Variants in HERC2 observed in about 807,000 individuals in gnomAD.
HERC2 encodes HECT and RLD domain containing E3 ubiquitin protein ligase 2.
A neutral mutation model predicts 537.7 loss-of-function variants in HERC2; 102 were observed. The ratio of observed to expected loss-of-function variants is 0.19; its 90% CI spans 0.16 to 0.22. HERC2 has a LOEUF of 0.22. HERC2 is among the 10% of genes least tolerant of loss of function. HERC2 has a pLI of 1.00. For synonymous variants in HERC2, 2,224 were observed against 2,466.2 expected, an observed-to-expected ratio of 0.90 and a Z score of 2.91; for missense variants, 4,236 against 6,198.2, an observed-to-expected ratio of 0.68 and a Z score of 10.63.
Position 28,213,981 on chromosome 15 carries a change from G to C in HERC2, c.6556-9C>G, listed in dbSNP as rs373953643. ...TAGTCCTCTAACTGGGCCTAGTGCA[G>C]ACCAAACAGCGAGCTCGACAGAGAC... is the stretch of plus-strand genomic sequence containing the variant. On this transcript the variant is annotated splice_polypyrimidine_tract_variant and intron_variant, in intron 41 of 92. Transcript: ENST00000261609. The C allele has an allele frequency of 1.1e-5, 18 of 1,612,456 alleles. No individual in the cohort carries two copies. Among genetic ancestry groups the C allele is most frequent in the Non-Finnish European group, 1.4e-5 (17 of 1,178,622 alleles).
intron 78 of HERC2, among the ~76,000 whole-genome samples, chr15:28,139,033 G>A (rs1435161811): frequency 6.6e-6 from 1 of 152,248 alleles, no homozygotes; most frequent in African/African-American, 2.4e-5. Flanking sequence ...AGAATTAGAA[G>A]TGGAGTCTAA....
In HERC2 at chr15:28,124,082, A is replaced by C. The variant is rs1246345023; in HGVS notation, c.13143T>G (p.Ser4381=). The C allele has an allele frequency of 2.5e-6, 4 of 1,608,268 alleles. No homozygotes were observed. Among genetic ancestry groups the C allele is most frequent in the Non-Finnish European group, 3.4e-6 (4 of 1,177,188 alleles). The change falls in exon 85 of 93, where the codon TCT becomes TCG. Residue 4381 remains serine (S), a synonymous_variant. Coordinates refer to ENST00000261609, the MANE Select transcript of HERC2 (RefSeq NM_004667.6). ...GSLDETGLGP[S]VGFDTLRGIL... is the part of the protein sequence containing the mutation. ...TTCCTCGGAGAGTGTCGAACCCAAC[A>C]GAAGGCCCGAGTCCAGTTTCGTCGA...
At chr15:28,168,622 G>C in intron 66 of HERC2, 32 bp from the exon 67 acceptor site, 1 of 1,596,148 alleles carries the variant, frequency 6.3e-7, no homozygotes, top group East Asian at 2.2e-5. Context: ...CCTGTGGTGA[G>C]CTGCCCCTTC....
chr15:28,166,107 TA>T (rs1894111926), intron 68 of HERC2, among the ~76,000 whole-genome samples: 1 of 152,166 alleles, frequency 6.6e-6, no homozygotes, highest in Non-Finnish European at 1.5e-5. Flanking sequence ...AAAGAAGAAT[TA>T]ACCCGAATGC....
rs377563287 is a variant in HERC2 at position 28,111,752 on chromosome 15, G to A, written c.*11C>T. The A allele has an allele frequency of 1.2e-5, 19 of 1,611,512 alleles. No individual in the cohort carries two copies. Among genetic ancestry groups the A allele is most frequent in the South Asian group, 8.8e-5 (8 of 91,068 alleles). ...GCTCAGGCTCTCATCTCACGAGGAC[G>A]TTTCCCCATCTTAGTGTCCTGTTAA... On this transcript the variant is annotated 3_prime_UTR_variant, in exon 93 of 93. Coordinates refer to ENST00000261609, the MANE Select transcript of HERC2 (RefSeq NM_004667.6).
chr15:28,141,952 G>A (rs1891269403), intron 76 of HERC2, 106 bp from the exon 77 acceptor site: 1 of 891,102 alleles, frequency 1.1e-6, no homozygotes, highest in Non-Finnish European at 1.8e-6. Context: ...TATGAGGGAA[G>A]AGCAACATTG....
At chr15:28,290,302 C>CTT (rs112826053) in intron 4 of HERC2, among the ~76,000 whole-genome samples, 1 of 148,028 alleles carries the variant, frequency 6.8e-6, no homozygotes, top group Admixed American at 6.8e-5. Flanking sequence ...GCAAAACACA[C>CTT]TTTTTTTTTT....
intron 23 of HERC2, among the ~76,000 whole-genome samples, chr15:28,239,953 A>C (rs191131631): frequency 3.0e-4 from 45 of 152,322 alleles, no homozygotes; most frequent in Admixed American, 2.9e-3. Context: ...TTACCACCTA[A>C]AAAAGGCATT....
chr15:28,182,329 T>C (rs1895899792), intron 57 of HERC2, 72 bp downstream of exon 57: 2 of 906,200 alleles, frequency 2.2e-6, no homozygotes, highest in South Asian at 2.7e-5. Flanking sequence ...AGTAAAGTTA[T>C]TATAGAAACT....
rs1207225257 is a variant in HERC2 at position 28,198,402 on chromosome 15, G to C, written c.7987C>G (p.His2663Asp). 1 of 1,612,772 alleles carries C rather than the reference G, an allele frequency of 6.2e-7. No individual in the cohort carries two copies. The stretch of plus-strand genomic sequence containing the variant: ...CCTTTCACAACCCCCACACTCTGAT[G>C]AGTCACAGATCCCCATTTGTATTTT... ...TPKYKWGSVT[H>D]QSVGVVKAFS... is the part of the protein sequence containing the mutation. The change falls in exon 50 of 93, where the codon CAT becomes GAT. Residue 2663 changes from histidine (H) to aspartate (D), a missense_variant. By Grantham distance (81) the His-to-Asp change is moderately conservative (BLOSUM62 -1). This residue lies in a region of HERC2 where 606 missense variants were observed against 884.5 expected (regional missense o/e 0.69). Coordinates refer to ENST00000261609, the MANE Select transcript of HERC2 (RefSeq NM_004667.6).
In HERC2 at chr15:28,117,096, A is replaced by C. The variant is rs1352611123; in HGVS notation, c.13331T>G (p.Phe4444Cys). 1 of 1,613,996 alleles carries C rather than the reference A, an allele frequency of 6.2e-7. No homozygotes were observed. Among genetic ancestry groups the C allele is most frequent in the African/African-American group, 1.3e-5 (1 of 74,938 alleles). ...LAGPDGTKSV[F>C]GQMCAKMSSF... ...GCTCATCTTAGCACACATCTGCCCA[A>C]AGACAGACTTGGTGCCGTCGGGGCC... The change falls in exon 87 of 93, where the codon TTT becomes TGT. Residue 4444 changes from phenylalanine (F) to cysteine (C), a missense_variant. Around this residue, in one of 27 missense-constraint regions of HERC2, gnomAD observed 29 missense variants for 102.1 expected, o/e 0.28. Transcript: ENST00000261609.
In HERC2 at chr15:28,162,878, G is replaced by A. The variant is rs528739135; in HGVS notation, c.10746+216C>T. On this transcript the variant is annotated intron_variant, in intron 69 of 92. Transcript: ENST00000261609. Reference sequence around the variant, plus strand: ...TGCACTCTAGCCTGGGCGACAGAGCGAGACTCCGTCTCAAAAAAACAAAAA... The same window carrying A: ...TGCACTCTAGCCTGGGCGACAGAGCAAGACTCCGTCTCAAAAAAACAAAAA... Among the ~76,000 whole-genome samples, 4 of 152,322 alleles carry A rather than the reference G, an allele frequency of 2.6e-5. No individual in the cohort carries two copies. In the East Asian group the frequency reaches 7.7e-4, roughly 29 times the overall value.
intron 69 of HERC2, among the ~76,000 whole-genome samples, chr15:28,158,562 T>C (rs1893250392): frequency 6.6e-6 from 1 of 152,228 alleles, no homozygotes; most frequent in Admixed American, 6.5e-5. Context: ...TTGCAACTCC[T>C]GCCTTTTTTT....
intron 55 of HERC2, chr15:28,190,219 CTG>C (rs796507695): frequency 1.5e-5 from 2 of 134,254 alleles, no homozygotes; most frequent in African/African-American, 5.6e-5. Context: ...CGGGGTTTAA[CTG>C]TGTTAGCCAG....
intron 2 of HERC2, among the ~76,000 whole-genome samples, chr15:28,306,529 G>GT (rs2076794115): frequency 1.3e-5 from 2 of 152,050 alleles, no homozygotes; most frequent in African/African-American, 4.8e-5. Flanking sequence ...GGCCTGTTTT[G>GT]TTTTTTTGAT....
intron 48 of HERC2, among the ~76,000 whole-genome samples, 184 bp downstream of exon 48, chr15:28,201,272 T>C (rs1457453379): frequency 6.6e-6 from 1 of 152,234 alleles, no homozygotes; most frequent in African/African-American, 2.4e-5. Context: ...TTCTTTCTCA[T>C]TCCAGGGTAC....
At chr15:28,143,408 C>T (rs1891421892) in intron 74 of HERC2, among the ~76,000 whole-genome samples, 3 of 152,066 alleles carry the variant, frequency 2.0e-5, no homozygotes, top group South Asian at 2.1e-4. Flanking sequence ...CTGCAACATA[C>T]GAGAAGTCTG....
chr15:28,191,861 T>C (rs1896884209), intron 53 of HERC2, 100 bp downstream of exon 53: 1 of 962,112 alleles, frequency 1.0e-6, no homozygotes, highest in Non-Finnish European at 1.5e-6. Flanking sequence ...ACAGGTGCTA[T>C]CAGCAAAACT....
intron 19 of HERC2, among the ~76,000 whole-genome samples, chr15:28,255,599 G>A (rs968920975): frequency 2.0e-5 from 3 of 152,164 alleles, no homozygotes; most frequent in Admixed American, 2.0e-4. Context: ...AGTGCCAAGG[G>A]CACAGGGATC....
Sources: allele counts gnomAD v4.1 joint callset (sites outside exome capture counted in the v4.1 genomes callset), GRCh38; gene constraint gnomAD v4.1.1; regional missense constraint gnomAD v4.1.1; transcripts MANE v1.5; gene names NCBI Gene and HGNC (gene_info 2026-07-23, HGNC 2026-07-21).